The following RGS6 variants were observed in gnomAD, a reference collection of about 807,000 sequenced individuals.
RGS6 encodes regulator of G-protein signaling 6.
A neutral mutation model predicts 78.5 loss-of-function variants in RGS6; 30 were observed. That is an observed-to-expected ratio of 0.38 (90% CI 0.29 to 0.52). The LOEUF is 0.52. RGS6 is among the 20% of genes least tolerant of loss of function. The pLI, the probability that RGS6 is intolerant of heterozygous loss-of-function variation, is 0.85. For synonymous variants in RGS6, 206 were observed against 206.0 expected (o/e 1.00, Z 0.00); for missense variants, 495 against 609.7 (o/e 0.81, Z 1.98).
intron 2 of RGS6, among the ~76,000 whole-genome samples, chr14:72,195,450 G>C (rs1165067448): frequency 6.6e-6 from 1 of 152,164 alleles, no homozygotes; most frequent in African/African-American, 2.4e-5. Context: ...ACCAGATGAG[G>C]TCTACAAGGA....
At chr14:72,211,677 G>T (rs752059861) in intron 2 of RGS6, among the ~76,000 whole-genome samples, 1 of 152,130 alleles carries the variant, frequency 6.6e-6, no homozygotes, top group Non-Finnish European at 1.5e-5. Context: ...ACCCCCAAAC[G>T]TAAGAATCAT....
Position 72,458,310 on chromosome 14 carries a change from G to A in RGS6, c.275G>A (p.Gly92Asp), listed in dbSNP as rs747371382. The A allele has an allele frequency of 2.5e-6, 4 of 1,613,962 alleles. No individual in the cohort carries two copies. Among genetic ancestry groups the A allele is most frequent in the East Asian group, 2.2e-5 (1 of 44,886 alleles). ...IHLGSLIAAQ[G>D]YIFPISDHVL... is the part of the protein sequence containing the mutation. ...TTGGGGAGCCTTATCGCTGCCCAGG[G>A]CTACATCTTTCCAATCTCAGACCAT... Residue 92 changes from glycine (G) to aspartate (D), a missense_variant, in exon 5 of 18, where the codon GGC becomes GAC. Coordinates refer to ENST00000553525, the MANE Select transcript of RGS6 (RefSeq NM_001204424.2).
chr14:72,157,410 G>A (rs946982545), intron 2 of RGS6, among the ~76,000 whole-genome samples: 2 of 152,166 alleles, frequency 1.3e-5, no homozygotes, highest in Non-Finnish European at 2.9e-5. Context: ...TGAAACTAGG[G>A]AAAGTCTCTT....
rs116588313 is a variant in RGS6, at chr14:72,561,198, T to G, written c.1423-1219T>G. On this transcript the variant is annotated intron_variant, in intron 17 of 17. Transcript: ENST00000553525. ...TCAATTTTTTAAATTACATCTAGCT[T>G]ACACGCAGCCAAGCCCAGTAAACAA... 5.0e-3 allele frequency among the ~76,000 whole-genome samples: 758 copies of G among 152,282 alleles called. 6 individuals carry two copies. The highest frequency in any genetic ancestry group is 0.017 in the African/African-American group (703 of 41,522).
chr14:72,144,932 G>C (rs1314199268), intron 2 of RGS6, among the ~76,000 whole-genome samples: 1 of 152,140 alleles, frequency 6.6e-6, no homozygotes, highest in Non-Finnish European at 1.5e-5. Flanking sequence ...TCAGGGATCA[G>C]AGTTTTTAAA....
At chr14:72,142,186 A>G (rs907014560) in intron 2 of RGS6, among the ~76,000 whole-genome samples, 1 of 152,178 alleles carries the variant, frequency 6.6e-6, no homozygotes, top group African/African-American at 2.4e-5. Context: ...TAGAGTGATG[A>G]TGATGGTTTT....
chr14:72,039,195 A>G lies in RGS6; in HGVS notation c.84+74320A>G, dbSNP rs552100443. 2.6e-5 allele frequency among the ~76,000 whole-genome samples: 4 copies of G among 152,344 alleles called. No homozygotes were observed. In the South Asian group the frequency reaches 6.2e-4, roughly 24 times the overall value. On this transcript the variant is annotated intron_variant, in intron 2 of 17. Coordinates refer to ENST00000553525, the MANE Select transcript of RGS6 (RefSeq NM_001204424.2). Reference sequence around the variant, plus strand: ...TTACTAAATAAGTTGAAGTAAACATAAAAAGAGGAAGCAGAGGAAAAGTCA... The same window carrying G: ...TTACTAAATAAGTTGAAGTAAACATGAAAAGAGGAAGCAGAGGAAAAGTCA...
chr14:72,540,330 C>T (rs2097307781), intron 17 of RGS6: 1 of 1,467,000 alleles, frequency 6.8e-7, no homozygotes, highest in Non-Finnish European at 8.9e-7. Flanking sequence ...CCTTGATCGC[C>T]CAGCCTCAGG....
chr14:72,582,570 C>T, the RGS6 span, among the ~76,000 whole-genome samples: 1 of 152,104 alleles, frequency 6.6e-6, no homozygotes, highest in Non-Finnish European at 1.5e-5. Flanking sequence ...AAAACTGAGA[C>T]ATGTTTTCAA....
intron 2 of RGS6, among the ~76,000 whole-genome samples, chr14:72,104,766 C>T (rs2095599292): frequency 6.6e-6 from 1 of 152,132 alleles, no homozygotes; most frequent in South Asian, 2.1e-4. Context: ...TTAGTGCTCT[C>T]AAATTTTACT....
intron 2 of RGS6, among the ~76,000 whole-genome samples, chr14:71,985,458 A>G (rs1452415542): frequency 6.6e-6 from 1 of 152,196 alleles, no homozygotes; most frequent in Non-Finnish European, 1.5e-5. Flanking sequence ...TTCTAAGTAG[A>G]TAATGTACCA....
intron 3 of RGS6, among the ~76,000 whole-genome samples, chr14:72,430,572 T>A (rs1259511894): frequency 6.6e-6 from 1 of 152,204 alleles, no homozygotes; most frequent in Non-Finnish European, 1.5e-5. Flanking sequence ...CCAGCTGAGA[T>A]GTCCTCAGTT....
At chr14:72,067,577 G>A (rs1035707539) in intron 2 of RGS6, among the ~76,000 whole-genome samples, 43 of 152,070 alleles carry the variant, frequency 2.8e-4, no homozygotes, top group Admixed American at 1.9e-3. Context: ...TATTTCTGTA[G>A]TGAAACTGAA....
chr14:72,043,994 ACT>A (rs1201260958), intron 2 of RGS6, among the ~76,000 whole-genome samples: 3 of 147,880 alleles, frequency 2.0e-5, no homozygotes, highest in South Asian at 2.2e-4. Context: ...CCCACCTCCC[ACT>A]CTGTTTTCTT....
chr14:72,055,292 C>G (rs2093561223), intron 2 of RGS6, among the ~76,000 whole-genome samples: 1 of 151,808 alleles, frequency 6.6e-6, no homozygotes, highest in Admixed American at 6.6e-5. Flanking sequence ...TTCACCAACT[C>G]TTTGTATTTT....
At chr14:72,418,456 C>T (rs763928815) in intron 3 of RGS6, among the ~76,000 whole-genome samples, 2 of 152,060 alleles carry the variant, frequency 1.3e-5, no homozygotes, top group Admixed American at 6.6e-5. Flanking sequence ...CATGAGCCAC[C>T]GCGCCCGGCC....
At chr14:72,396,734 A>G (rs10135599) in intron 3 of RGS6, among the ~76,000 whole-genome samples, 45,588 of 152,008 alleles carry the variant, frequency 0.3, 12,172 homozygotes, top group African/African-American at 0.71. Flanking sequence ...AGGTGTAAGG[A>G]AGGGATCCAG....
At chr14:72,487,194 G>A (rs566808182) in intron 12 of RGS6, among the ~76,000 whole-genome samples, 10 of 152,364 alleles carry the variant, frequency 6.6e-5, no homozygotes, top group African/African-American at 2.2e-4. Flanking sequence ...GTTTATTTGC[G>A]TGGGTTGTGA....
At chr14:72,048,837 TAGAG>T (rs1246037119) in intron 2 of RGS6, among the ~76,000 whole-genome samples, 13 of 152,128 alleles carry the variant, frequency 8.5e-5, no homozygotes, top group Admixed American at 5.9e-4. Flanking sequence ...TTTTAAAAAA[TAGAG>T]AGGAGCTTAA....
Sources: gnomAD v4.1 joint callset for allele counts (sites outside exome capture counted in the v4.1 genomes callset) on GRCh38, gnomAD v4.1.1 for gene constraint, MANE v1.5 for transcripts, NCBI Gene and HGNC (gene_info 2026-07-23, HGNC 2026-07-21) for gene names.